R3HDM1: variants seen among roughly 807,000 people sequenced by gnomAD.
R3HDM1 encodes R3H domain-containing protein 1.
A neutral mutation model predicts 141.1 loss-of-function variants in R3HDM1; 46 were observed. The ratio of observed to expected loss-of-function variants is 0.33; its 90% CI spans 0.26 to 0.42. The LOEUF is 0.42. R3HDM1 is among the 10% of genes least tolerant of loss of function. The probability of loss-of-function intolerance (pLI) is 1.00; values close to 1 mark genes in which losing one functional copy is unlikely to be tolerated. For synonymous variants in R3HDM1, 435 were observed against 472.9 expected (o/e 0.92, Z 1.04); for missense variants, 1,184 against 1,368.3 (o/e 0.87, Z 2.12).
At chr2:135,583,661 GC>G (rs1472470693) in intron 1 of R3HDM1, 2 of 861,884 alleles carry the variant, frequency 2.3e-6, no homozygotes. Flanking sequence ...CCCTAAGATG[GC>G]CCTTGGCTAT....
chr2:135,582,173 CA>C (rs914520164), intron 1 of R3HDM1, among the ~76,000 whole-genome samples: 2 of 151,848 alleles, frequency 1.3e-5, no homozygotes, highest in Non-Finnish European at 1.5e-5. Context: ...ACTAAAAATA[CA>C]AAAAAATTAG....
At chr2:135,561,275 G>C in intron 1 of R3HDM1, 1 of 984,444 alleles carries the variant, frequency 1.0e-6, no homozygotes, top group Non-Finnish European at 1.2e-6. Flanking sequence ...CCAAAGTCCT[G>C]ATTACATTTT....
At chr2:135,702,248 C>T (rs1172211850) in intron 21 of R3HDM1, among the ~76,000 whole-genome samples, 1 of 130,280 alleles carries the variant, frequency 7.7e-6, no homozygotes, top group East Asian at 2.5e-4. Context: ...AAAGGCTGGG[C>T]GCAGTGGCTC....
chr2:135,703,447 AGTG>A (rs2074499306), intron 21 of R3HDM1, among the ~76,000 whole-genome samples: 2 of 152,204 alleles, frequency 1.3e-5, no homozygotes, highest in Non-Finnish European at 2.9e-5. Flanking sequence ...AGCACCTGCC[AGTG>A]GCCTAACTGC....
intron 1 of R3HDM1, among the ~76,000 whole-genome samples, chr2:135,594,168 C>T (rs1469386096): frequency 2.0e-5 from 3 of 152,252 alleles, no homozygotes; most frequent in African/African-American, 7.2e-5. Context: ...CCAGTGAAAA[C>T]ACTTCCTTTA....
chr2:135,702,217 G>GAAGA (rs2074289226), intron 21 of R3HDM1, among the ~76,000 whole-genome samples: 1 of 120,868 alleles, frequency 8.3e-6, no homozygotes, highest in African/African-American at 3.9e-5. Context: ...GTCTCAGGGG[G>GAAGA]AAAAAAAAAA....
At chr2:135,642,685 A>G (rs1412474666) in intron 15 of R3HDM1, among the ~76,000 whole-genome samples, 2 of 152,312 alleles carry the variant, frequency 1.3e-5, no homozygotes, top group East Asian at 3.9e-4. Flanking sequence ...TCATAATGGC[A>G]GTAGTTTACA....
At chr2:135,629,560 G>A (rs552894151) in intron 7 of R3HDM1, among the ~76,000 whole-genome samples, 1 of 152,178 alleles carries the variant, frequency 6.6e-6, no homozygotes, top group South Asian at 2.1e-4. Context: ...GACAATAATT[G>A]TGATAAATGC....
chr2:135,624,372 C>T (rs904403488), intron 7 of R3HDM1, among the ~76,000 whole-genome samples: 6 of 139,068 alleles, frequency 4.3e-5, no homozygotes, highest in African/African-American at 1.6e-4. Flanking sequence ...CCAGCCTGGG[C>T]GACAGGGCGA....
intron 1 of R3HDM1, among the ~76,000 whole-genome samples, chr2:135,563,794 A>C (rs1381995090): frequency 6.6e-6 from 1 of 152,166 alleles, no homozygotes; most frequent in Non-Finnish European, 1.5e-5. Context: ...TTGCATTGCT[A>C]TAAAGGAATA....
chr2:135,719,161 T>C (rs2076451571), intron 24 of R3HDM1, among the ~76,000 whole-genome samples: 1 of 150,366 alleles, frequency 6.7e-6, no homozygotes, highest in Non-Finnish European at 1.5e-5. Flanking sequence ...ATAAATAATT[T>C]AATTAATTAA....
chr2:135,678,242 G>A (rs2069561324), intron 20 of R3HDM1, among the ~76,000 whole-genome samples: 2 of 151,956 alleles, frequency 1.3e-5, no homozygotes, highest in South Asian at 2.1e-4. Flanking sequence ...GGGATTACAG[G>A]CATGAGCCAC....
intron 16 of R3HDM1, among the ~76,000 whole-genome samples, chr2:135,647,285 C>T (rs189254477): frequency 1.3e-5 from 2 of 152,280 alleles, no homozygotes; most frequent in Admixed American, 1.3e-4. Flanking sequence ...AAAGAGTTTC[C>T]TCTTTATTAT....
At chr2:135,627,400 A>C (rs775184331) in intron 7 of R3HDM1, among the ~76,000 whole-genome samples, 27 of 152,138 alleles carry the variant, frequency 1.8e-4, no homozygotes, top group Non-Finnish European at 3.1e-4. Context: ...CCAATAAATA[A>C]ACTAAATTTC....
intron 19 of R3HDM1, chr2:135,667,176 T>G: frequency 1.0e-6 from 1 of 979,810 alleles, no homozygotes; most frequent in African/African-American, 1.7e-5. Context: ...ACTTTTGTGC[T>G]GAGCACTGCA....
intron 24 of R3HDM1, 76 bp from the exon 25 acceptor site, chr2:135,721,848 A>C: frequency 1.5e-6 from 2 of 1,334,250 alleles, no homozygotes; most frequent in Non-Finnish European, 2.1e-6. Flanking sequence ...TCAGCCTCCC[A>C]AATTGCTAGG....
At chr2:135,625,607 G>A (rs993266895) in intron 7 of R3HDM1, among the ~76,000 whole-genome samples, 1 of 152,072 alleles carries the variant, frequency 6.6e-6, no homozygotes, top group African/African-American at 2.4e-5. Flanking sequence ...TGCTAATGTT[G>A]ACTGATAGCT....
intron 21 of R3HDM1, among the ~76,000 whole-genome samples, chr2:135,684,168 G>A (rs890239775): frequency 1.3e-5 from 2 of 152,066 alleles, no homozygotes; most frequent in African/African-American, 4.8e-5. Flanking sequence ...TCAGCTCACT[G>A]CAAGCTTCAC....
intron 2 of R3HDM1, 53 bp downstream of exon 2, chr2:135,602,761 T>A: frequency 7.3e-7 from 1 of 1,368,678 alleles, no homozygotes. Flanking sequence ...AAATCTCACC[T>A]ATAAAAAGCA....
Sources: gnomAD v4.1 joint callset for allele counts (sites outside exome capture counted in the v4.1 genomes callset) on GRCh38, gnomAD v4.1.1 for gene constraint, MANE v1.5 for transcripts, NCBI Gene and HGNC (gene_info 2026-07-23, HGNC 2026-07-21) for gene names.